ZER1: variants seen among roughly 807,000 people sequenced by gnomAD.
ZER1 encodes protein zer-1 homolog.
A neutral mutation model predicts 78.8 loss-of-function variants in ZER1; 11 were observed. The ratio of observed to expected loss-of-function variants is 0.14; its 90% CI spans 0.09 to 0.23. The LOEUF is 0.23. Ranked by LOEUF, ZER1 falls within the 10% of genes least tolerant of loss-of-function variation. The probability of loss-of-function intolerance (pLI) is 1.00; values close to 1 mark genes in which losing one functional copy is unlikely to be tolerated. For synonymous variants in ZER1, 400 were observed against 407.0 expected (o/e 0.98, Z 0.21); for missense variants, 588 against 996.9 (o/e 0.59, Z 5.52).
At chr9:128,748,492 G>C (rs1454759614) in intron 8 of ZER1, among the ~76,000 whole-genome samples, 1 of 151,758 alleles carries the variant, frequency 6.6e-6, no homozygotes, top group Non-Finnish European at 1.5e-5. Context: ...GCTTGCTTGA[G>C]CCTGAGAGGT....
rs2132412982 is a variant in ZER1 at position 128,741,812 on chromosome 9, C to G, written c.1605G>C (p.Leu535=). The change falls in exon 10 of 16, where the codon CTG becomes CTC. Residue 535 remains leucine (L), a synonymous_variant. Transcript: ENST00000291900. ...AGACTTGACTTACTGTCTTGTCCAG[C>G]AGCTTCTTCTGAATCAGCTTCAGCA... ...VTMLKLIQKK[L]LDKTCDQVME... is the part of the protein sequence containing the mutation. 6 of 1,614,178 alleles carry G rather than the reference C, an allele frequency of 3.7e-6. No homozygotes were observed. The Middle Eastern group carries it at 5.0e-4, about 133-fold the overall frequency.
In ZER1 at chr9:128,755,787, A is replaced by G. The variant is rs952842954; in HGVS notation, c.-94-128T>C. ...TTAGCAGCTTAGCAGGGCCAGGCCC[A>G]GGTCTCCTGACTCCTTCTTTCACCC... On this transcript the variant is annotated intron_variant, in intron 1 of 15. Coordinates refer to ENST00000291900, the MANE Select transcript of ZER1 (RefSeq NM_006336.4). This position sits in a 1 kb window ranked among gnomAD's most constrained non-coding sequence, Gnocchi z 5.6. 1.0e-5 allele frequency: 6 copies of G among 586,984 alleles called. No individual in the cohort carries two copies. The Admixed American group carries it at 1.3e-4, about 12-fold the overall frequency. The allele number at this position is 586,984 out of a possible 1,614,324, so 36.4% of individuals were successfully genotyped here.
chr9:128,737,283 C>A (rs1392308466), intron 13 of ZER1, among the ~76,000 whole-genome samples: 1 of 152,110 alleles, frequency 6.6e-6, no homozygotes, highest in Non-Finnish European at 1.5e-5. Flanking sequence ...CCGCATCCGG[C>A]CTGTGACTGC....
At chr9:128,734,290 G>C (rs1295882894) in intron 14 of ZER1, among the ~76,000 whole-genome samples, 2 of 146,096 alleles carry the variant, frequency 1.4e-5, no homozygotes, top group African/African-American at 2.5e-5. Flanking sequence ...TCTGCCTCCT[G>C]GGTTCAAACG....
Position 128,750,667 on chromosome 9 carries a change from C to G in ZER1, c.1308G>C (p.Arg436=). The G allele has an allele frequency of 6.2e-7, 1 of 1,614,214 alleles. No individual in the cohort carries two copies. Among genetic ancestry groups the G allele is most frequent in the Non-Finnish European group, 8.5e-7 (1 of 1,180,038 alleles). Residue 436 remains arginine, a synonymous_variant, in exon 8 of 16, where the codon CGG becomes CGC. Coordinates refer to ENST00000291900, the MANE Select transcript of ZER1 (RefSeq NM_006336.4). The part of the protein sequence containing the change: ...YRSEQSVKLR[R]QVIQVVLNGM... ...CATTCAGCACCACCTGGATAACCTG[C>G]CGGCGCAGCTTCACACTCTGCTCTG...
intron 1 of ZER1, among the ~76,000 whole-genome samples, chr9:128,761,826 G>T (rs1185214429): frequency 1.3e-5 from 2 of 151,890 alleles, no homozygotes; most frequent in Admixed American, 6.6e-5. Flanking sequence ...GGATGGTCTC[G>T]AACTCCTGAC....
chr9:128,743,349 C>T (rs1019198916), intron 8 of ZER1, among the ~76,000 whole-genome samples: 1 of 152,144 alleles, frequency 6.6e-6, no homozygotes, highest in Non-Finnish European at 1.5e-5. Context: ...CTCCTAGCCT[C>T]AAGTGATCTG....
chr9:128,755,357 T>C lies in ZER1; in HGVS notation c.158+51A>G. On this transcript the variant is annotated intron_variant, in intron 2 of 15. Transcript: ENST00000291900. The surrounding 1 kb of genome is among the most constrained non-coding windows in gnomAD (Gnocchi z 5.6). ...TGCACACACGGTCCCAATCTCTCTA[T>C]ACACATTCATGGTAAGACCCCTGCC... 5.0e-6 allele frequency: 8 copies of C among 1,608,650 alleles called. No homozygotes were observed. Among genetic ancestry groups the C allele is most frequent in the Middle Eastern group, 1.7e-4 (1 of 6,038 alleles).
At chr9:128,742,455 A>G (rs1863333566) in intron 9 of ZER1, 75 bp downstream of exon 9, 2 of 1,549,568 alleles carry the variant, frequency 1.3e-6, no homozygotes, top group African/African-American at 2.7e-5. Flanking sequence ...CTGCTCTGAG[A>G]CTCTCGCTCA....
chr9:128,763,498 T>C (rs1041038363), intron 1 of ZER1, among the ~76,000 whole-genome samples: 3 of 152,226 alleles, frequency 2.0e-5, no homozygotes, highest in Non-Finnish European at 2.9e-5. Context: ...CTGGGGGTCC[T>C]TGGTGAGCGA....
chr9:128,736,982 A>G (rs530779533), intron 13 of ZER1, among the ~76,000 whole-genome samples: 1 of 151,994 alleles, frequency 6.6e-6, no homozygotes, highest in South Asian at 2.1e-4. Context: ...CGTCTCCACT[A>G]AAGTACAAAA....
intron 13 of ZER1, among the ~76,000 whole-genome samples, chr9:128,738,775 G>C (rs923068614): frequency 6.6e-6 from 1 of 150,702 alleles, no homozygotes; most frequent in African/African-American, 2.4e-5. Context: ...TCGACCTCCT[G>C]GGCTCAAGTG....
chr9:128,766,278 G>C (rs1340967507), intron 1 of ZER1, among the ~76,000 whole-genome samples: 1 of 151,464 alleles, frequency 6.6e-6, no homozygotes, highest in Non-Finnish European at 1.5e-5. Context: ...GAACCCGGGA[G>C]GTGGAGGTTC....
At chr9:128,745,532 A>G (rs748969123) in intron 8 of ZER1, among the ~76,000 whole-genome samples, 2 of 151,236 alleles carry the variant, frequency 1.3e-5, no homozygotes, top group African/African-American at 2.4e-5. Flanking sequence ...TAATTTTTGT[A>G]TTTTAGTAGA....
chr9:128,739,949 C>G lies in ZER1; in HGVS notation c.2024G>C (p.Arg675Pro), dbSNP rs760146636. The G allele has an allele frequency of 6.2e-7, 1 of 1,609,358 alleles. No individual in the cohort carries two copies. The highest frequency in any genetic ancestry group is 8.5e-7 in the Non-Finnish European group (1 of 1,176,104). The change falls in exon 13 of 16, where the codon CGG becomes CCG. Residue 675 changes from arginine to proline, a missense_variant. Coordinates refer to ENST00000291900, the MANE Select transcript of ZER1 (RefSeq NM_006336.4). ...AAIQSWDINS[R>P]RNINYRSFEP... ...CCCACACCTGTAATTGATGTTTCTC[C>G]GAGAGTTTATGTCCCAGCTCTGGAT... is the stretch of plus-strand genomic sequence containing the variant.
At chr9:128,736,034 C>T (rs1442652044) in intron 13 of ZER1, among the ~76,000 whole-genome samples, 5 of 150,312 alleles carry the variant, frequency 3.3e-5, no homozygotes, top group Non-Finnish European at 7.4e-5. Context: ...CTGCAAGCTC[C>T]GCCTCCCTGG....
At chr9:128,749,135 C>G (rs940157353) in intron 8 of ZER1, among the ~76,000 whole-genome samples, 20 of 150,740 alleles carry the variant, frequency 1.3e-4, no homozygotes, top group African/African-American at 4.6e-4. Context: ...CGAGACCAGC[C>G]TGGCCAACAT....
chr9:128,743,199 C>T (rs1347802721), intron 8 of ZER1, among the ~76,000 whole-genome samples: 3 of 151,826 alleles, frequency 2.0e-5, no homozygotes, highest in African/African-American at 7.3e-5. Flanking sequence ...CTCACTGCAA[C>T]CTTCACCTCC....
At chr9:128,766,693 A>G (rs1186333947) in intron 1 of ZER1, among the ~76,000 whole-genome samples, 2 of 151,866 alleles carry the variant, frequency 1.3e-5, no homozygotes. Flanking sequence ...TAAAAATACA[A>G]AAATTAGCCA....
Sources: allele counts gnomAD v4.1 joint callset (sites outside exome capture counted in the v4.1 genomes callset), GRCh38; gene constraint gnomAD v4.1.1; non-coding constraint Gnocchi (gnomAD v3.1); transcripts MANE v1.5; gene names NCBI Gene and HGNC (gene_info 2026-07-23, HGNC 2026-07-21).